Variants in PDSS2 observed in about 807,000 individuals in gnomAD.
PDSS2 encodes the protein decaprenyl diphosphate synthase subunit 2.
In PDSS2, 31 loss-of-function variants were observed where a neutral mutation model predicts 44.5. The observed-to-expected ratio is 0.70, with a 90% CI of 0.52 to 0.94. The LOEUF (loss-of-function observed/expected upper bound fraction) is 0.94. Ranked by LOEUF, PDSS2 falls within the 40% of genes least tolerant of loss-of-function variation. The pLI is 0.00. For missense variants in PDSS2, 452 were observed against 482.2 expected (o/e 0.94, Z 0.59); for synonymous variants, 157 against 180.3 (o/e 0.87, Z 1.03).
chr6:107,390,062 C>T (rs775428840), intron 1 of PDSS2, among the ~76,000 whole-genome samples: 12 of 151,948 alleles, frequency 7.9e-5, no homozygotes, highest in South Asian at 2.1e-4. Context: ...TCCCTGAGTC[C>T]GTATTGATAC....
At chr6:107,162,370 G>C (rs1554246838) in intron 7 of PDSS2, among the ~76,000 whole-genome samples, 1 of 151,138 alleles carries the variant, frequency 6.6e-6, no homozygotes, top group East Asian at 2.0e-4. Flanking sequence ...GCGTGCACCT[G>C]TAATCCCAGC....
chr6:107,292,240 C>T (rs1052087155), intron 2 of PDSS2, among the ~76,000 whole-genome samples: 3 of 150,334 alleles, frequency 2.0e-5, no homozygotes, highest in Non-Finnish European at 3.0e-5. Flanking sequence ...AAAAAAAAAC[C>T]TTTAAAACAA....
intron 6 of PDSS2, among the ~76,000 whole-genome samples, chr6:107,198,762 C>T (rs953014310): frequency 6.6e-6 from 1 of 151,844 alleles, no homozygotes; most frequent in African/African-American, 2.4e-5. Context: ...TTGAGATCAG[C>T]TTGGGCAACA....
intron 7 of PDSS2, among the ~76,000 whole-genome samples, chr6:107,182,667 T>A (rs914223473): frequency 6.6e-6 from 1 of 152,204 alleles, no homozygotes; most frequent in Non-Finnish European, 1.5e-5. Context: ...GTACAAAAGC[T>A]TCTATAATTT....
intron 6 of PDSS2, among the ~76,000 whole-genome samples, chr6:107,205,801 G>A (rs1772953065): frequency 6.6e-6 from 1 of 152,154 alleles, no homozygotes; most frequent in Non-Finnish European, 1.5e-5. Context: ...TGGAGAAGAG[G>A]TGGCACAGCC....
At chr6:107,222,666 A>T (rs1389729452) in intron 4 of PDSS2, among the ~76,000 whole-genome samples, 1 of 152,032 alleles carries the variant, frequency 6.6e-6, no homozygotes, top group African/African-American at 2.4e-5. Flanking sequence ...AAAAAAAAAA[A>T]AAAAGGTAAG....
chr6:107,233,937 C>T (rs1774140665), intron 4 of PDSS2, among the ~76,000 whole-genome samples: 1 of 151,744 alleles, frequency 6.6e-6, no homozygotes, highest in South Asian at 2.1e-4. Flanking sequence ...GAGGCTGAGG[C>T]AAGAGGATTG....
intron 1 of PDSS2, among the ~76,000 whole-genome samples, chr6:107,355,288 G>A (rs1778563396): frequency 6.6e-6 from 1 of 152,170 alleles, no homozygotes; most frequent in Non-Finnish European, 1.5e-5. Flanking sequence ...AACAATCCAT[G>A]ATGGAAATAC....
chr6:107,245,418 CAAAAAAAA>C (rs35614951), intron 4 of PDSS2, 122 bp downstream of exon 4: 85 of 120,324 alleles, frequency 7.1e-4, no homozygotes, highest in African/African-American at 1.2e-3. Flanking sequence ...AAACACTAAT[CAAAAAAAA>C]AAAAAAAAAA....
rs1487117113 is a variant in PDSS2, at chr6:107,248,852, CTCTA to C, written c.631-3237_631-3234del. On this transcript the variant is annotated intron_variant, in intron 3 of 7. Transcript: ENST00000369037. ...CTGTTGTCTTCACATGAACCTTTCC[CTCTA>C]TCTGAATTCTACTGGCTAATTTCTT... is the stretch of plus-strand genomic sequence containing the variant. Among the ~76,000 whole-genome samples the C allele has an allele frequency of 2.0e-5, 3 of 152,194 alleles. No homozygotes were observed. In the East Asian group the frequency reaches 5.8e-4, roughly 29 times the overall value.
At chr6:107,226,307 G>A (rs899146073) in intron 4 of PDSS2, among the ~76,000 whole-genome samples, 9 of 151,746 alleles carry the variant, frequency 5.9e-5, no homozygotes, top group African/African-American at 1.2e-4. Context: ...GCGAGACTCC[G>A]TCTCAAAAAA....
At chr6:107,334,740 G>T (rs1582955146) in intron 1 of PDSS2, among the ~76,000 whole-genome samples, 1 of 150,616 alleles carries the variant, frequency 6.6e-6, no homozygotes, top group African/African-American at 2.4e-5. Flanking sequence ...TAGAGTCAGA[G>T]TCTTGCTATG....
chr6:107,185,123 T>TAAAAAAAAAAAAAAA, intron 7 of PDSS2, among the ~76,000 whole-genome samples: 1 of 88,782 alleles, frequency 1.1e-5, no homozygotes, highest in Non-Finnish European at 2.2e-5. Flanking sequence ...ACCTTATATC[T>TAAAAAAAAAAAAAAA]AAAAAAAAAA....
chr6:107,340,529 G>C (rs565958966), intron 1 of PDSS2, among the ~76,000 whole-genome samples: 1 of 152,132 alleles, frequency 6.6e-6, no homozygotes, highest in Non-Finnish European at 1.5e-5. Context: ...ACTTCAACAC[G>C]TATGAAGGGT....
At chr6:107,254,455 T>C (rs1774937778) in intron 3 of PDSS2, among the ~76,000 whole-genome samples, 1 of 152,158 alleles carries the variant, frequency 6.6e-6, no homozygotes, top group South Asian at 2.1e-4. Context: ...AAAACTATAA[T>C]AAATAGTTGC....
chr6:107,300,068 C>CT (rs1357348701), intron 2 of PDSS2, among the ~76,000 whole-genome samples: 2 of 152,164 alleles, frequency 1.3e-5, no homozygotes, highest in Non-Finnish European at 2.9e-5. Flanking sequence ...GAAGTCTCGG[C>CT]CCAAAACCCT....
At chr6:107,437,905 A>C (rs1781404110) in intron 1 of PDSS2, among the ~76,000 whole-genome samples, 1 of 152,158 alleles carries the variant, frequency 6.6e-6, no homozygotes. Context: ...GCACATGACA[A>C]TCATTACTAA....
At chr6:107,189,781 A>C (rs1772305767) in intron 7 of PDSS2, among the ~76,000 whole-genome samples, 1 of 152,192 alleles carries the variant, frequency 6.6e-6, no homozygotes, top group South Asian at 2.1e-4. Flanking sequence ...GCCATTTTCC[A>C]GTGGAAATCT....
intron 2 of PDSS2, among the ~76,000 whole-genome samples, chr6:107,300,372 G>C (rs1776654117): frequency 6.7e-6 from 1 of 148,272 alleles, no homozygotes; most frequent in Non-Finnish European, 1.5e-5. Flanking sequence ...GAGGTCGTCG[G>C]CCAACCTCTC....
Sources: gnomAD v4.1 joint callset for allele counts (sites outside exome capture counted in the v4.1 genomes callset) on GRCh38, gnomAD v4.1.1 for gene constraint, MANE v1.5 for transcripts, NCBI Gene and HGNC (gene_info 2026-07-23, HGNC 2026-07-21) for gene names.